Variants in MCPH1 observed in about 807,000 individuals in gnomAD.
MCPH1 encodes the protein microcephalin 1.
A neutral mutation model predicts 84.5 loss-of-function variants in MCPH1; 104 were observed. That is an observed-to-expected ratio of 1.23 (90% CI 1.05 to 1.45). The LOEUF (loss-of-function observed/expected upper bound fraction) is 1.45. MCPH1 is among the 40% of genes most tolerant of loss of function. The pLI, the probability that MCPH1 is intolerant of heterozygous loss-of-function variation, is 0.00. For synonymous variants in MCPH1, 514 were observed against 366.8 expected (o/e 1.40, Z -4.58); for missense variants, 1,498 against 1,005.7 (o/e 1.49, Z -6.62).
At chr8:6,451,931 G>A (rs1334932628) in intron 8 of MCPH1, among the ~76,000 whole-genome samples, 2 of 152,228 alleles carry the variant, frequency 1.3e-5, no homozygotes, top group Non-Finnish European at 2.9e-5. Flanking sequence ...TTGTTTAAAT[G>A]TGTTATTAAT....
At chr8:6,558,907 A>AT (rs1825075444) in intron 12 of MCPH1, among the ~76,000 whole-genome samples, 1 of 152,296 alleles carries the variant, frequency 6.6e-6, no homozygotes, top group East Asian at 1.9e-4. Context: ...TACATATCGC[A>AT]TAAGAGATAC....
intron 9 of MCPH1, among the ~76,000 whole-genome samples, chr8:6,459,971 C>T (rs530207231): frequency 1.3e-5 from 2 of 152,312 alleles, no homozygotes; most frequent in Non-Finnish European, 2.9e-5. Context: ...CTGACTTCAG[C>T]CACGGCCACG....
At chr8:6,471,444 G>A (rs1332641324) in intron 9 of MCPH1, among the ~76,000 whole-genome samples, 1 of 152,094 alleles carries the variant, frequency 6.6e-6, no homozygotes, top group Non-Finnish European at 1.5e-5. Context: ...GATCAGGCAG[G>A]GATAATAAGA....
intron 11 of MCPH1, among the ~76,000 whole-genome samples, chr8:6,496,176 C>CG (rs1811202078): frequency 6.6e-6 from 1 of 152,104 alleles, no homozygotes; most frequent in South Asian, 2.1e-4. Context: ...ACAGTCCCAT[C>CG]GGGGGGTGAC....
rs373187262 is a variant in MCPH1 at position 6,646,486 on chromosome 8, G to A, written c.*3437G>A. The A allele has an allele frequency of 6.6e-6, 1 of 152,194 alleles. No homozygotes were observed. The highest frequency in any genetic ancestry group is 1.5e-5 in the Non-Finnish European group (1 of 68,042). 9.4% of individuals were successfully genotyped at this position (152,194 alleles called of 1,614,324 possible). ...TGGCTGATTGACTTTGAACAAAGGTGACGAGGCAAGTCAGTATAGCAGCAT... is the reference window on the plus strand; with the variant it reads ...TGGCTGATTGACTTTGAACAAAGGTAACGAGGCAAGTCAGTATAGCAGCAT... On this transcript the variant is annotated 3_prime_UTR_variant, in exon 14 of 14. Coordinates refer to ENST00000344683, the MANE Select transcript of MCPH1 (RefSeq NM_024596.5).
chr8:6,486,298 C>A (rs1347252387), intron 11 of MCPH1, among the ~76,000 whole-genome samples: 2 of 150,326 alleles, frequency 1.3e-5, no homozygotes, highest in Non-Finnish European at 3.0e-5. Context: ...CTCTCTCTGG[C>A]ACTCTCGCTC....
At chr8:6,600,776 A>C (rs1267530201) in intron 12 of MCPH1, among the ~76,000 whole-genome samples, 1 of 152,222 alleles carries the variant, frequency 6.6e-6, no homozygotes, top group Admixed American at 6.5e-5. Flanking sequence ...CGCAGGAGGC[A>C]CACAGGCCAT....
chr8:6,524,839 G>A (rs1161219149), intron 12 of MCPH1, among the ~76,000 whole-genome samples: 1 of 152,192 alleles, frequency 6.6e-6, no homozygotes. Context: ...AAGAGAAAAT[G>A]GAGACCCTGA....
intron 11 of MCPH1, among the ~76,000 whole-genome samples, chr8:6,485,071 A>G (rs1248118379): frequency 6.6e-6 from 1 of 152,210 alleles, no homozygotes; most frequent in Non-Finnish European, 1.5e-5. Context: ...TCATGCCTGT[A>G]ATCCCAGCAC....
At chr8:6,555,178 T>A (rs975154779) in intron 12 of MCPH1, among the ~76,000 whole-genome samples, 3 of 152,178 alleles carry the variant, frequency 2.0e-5, no homozygotes. Context: ...AGCATTAACA[T>A]AATCCAAGTG....
At chr8:6,605,146 T>A (rs1300906172) in intron 12 of MCPH1, among the ~76,000 whole-genome samples, 14 of 152,108 alleles carry the variant, frequency 9.2e-5, no homozygotes, top group Non-Finnish European at 8.8e-5. Flanking sequence ...AGGCCAGGTC[T>A]CCTGACACCC....
intron 12 of MCPH1, among the ~76,000 whole-genome samples, chr8:6,580,977 A>G (rs1827523468): frequency 6.6e-6 from 1 of 152,266 alleles, no homozygotes; most frequent in Non-Finnish European, 1.5e-5. Flanking sequence ...TAAAAATACA[A>G]CAATAAAAAA....
chr8:6,537,472 G>A (rs1317236597), intron 12 of MCPH1, among the ~76,000 whole-genome samples: 3 of 151,720 alleles, frequency 2.0e-5, no homozygotes, highest in Non-Finnish European at 2.9e-5. Context: ...AAAGAGTTGC[G>A]CCCCAGACAT....
chr8:6,412,434 G>T (rs778784195), intron 2 of MCPH1, among the ~76,000 whole-genome samples: 1 of 152,208 alleles, frequency 6.6e-6, no homozygotes, highest in Non-Finnish European at 1.5e-5. Flanking sequence ...AGTGAATACA[G>T]ATCAATAGTC....
At chr8:6,486,955 C>G (rs1475752918) in intron 11 of MCPH1, among the ~76,000 whole-genome samples, 1 of 152,172 alleles carries the variant, frequency 6.6e-6, no homozygotes. Context: ...TACTTTCCCT[C>G]GAAACCCTTT....
intron 13 of MCPH1, chr8:6,626,702 G>A (rs1485745155): frequency 1.0e-6 from 1 of 985,200 alleles, no homozygotes; most frequent in Non-Finnish European, 1.2e-6. Context: ...ACGAAACGAA[G>A]ACCCTGGGGT....
intron 3 of MCPH1, among the ~76,000 whole-genome samples, chr8:6,428,421 G>A (rs960233393): frequency 6.6e-5 from 10 of 152,068 alleles, no homozygotes; most frequent in African/African-American, 1.9e-4. Context: ...GTTGTTATGC[G>A]GCATATAACT....
intron 12 of MCPH1, among the ~76,000 whole-genome samples, chr8:6,514,265 C>G (rs1257263271): frequency 6.6e-6 from 1 of 152,200 alleles, no homozygotes; most frequent in African/African-American, 2.4e-5. Context: ...TCTTGGCTGA[C>G]TGCACCCTCT....
At chr8:6,423,093 T>C (rs1055278368) in intron 3 of MCPH1, among the ~76,000 whole-genome samples, 1 of 151,498 alleles carries the variant, frequency 6.6e-6, no homozygotes, top group Non-Finnish European at 1.5e-5. Context: ...AGTGCTAGGA[T>C]TACAGGTAAG....
Sources: gnomAD v4.1 joint callset for allele counts (sites outside exome capture counted in the v4.1 genomes callset) on GRCh38, gnomAD v4.1.1 for gene constraint, MANE v1.5 for transcripts, NCBI Gene and HGNC (gene_info 2026-07-23, HGNC 2026-07-21) for gene names.